The following CCDC88A variants were observed in gnomAD, a reference collection of about 807,000 sequenced individuals.
CCDC88A encodes coiled-coil and HOOK domain protein 88A.
A neutral mutation model predicts 234.3 loss-of-function variants in CCDC88A; 54 were observed. The ratio of observed to expected loss-of-function variants is 0.23; its 90% CI spans 0.19 to 0.29. The LOEUF (loss-of-function observed/expected upper bound fraction) is 0.29, where lower values mean the gene tolerates loss of function less well. CCDC88A is among the 10% of genes least tolerant of loss of function. The pLI is 1.00. For missense variants in CCDC88A, 1,832 were observed against 2,123.4 expected (o/e 0.86, Z 2.70); for synonymous variants, 753 against 737.8 (o/e 1.02, Z -0.33).
rs1488429482 is a variant in CCDC88A at position 55,290,003 on chromosome 2, T to G, written c.*1197A>C. 2 of 152,544 alleles carry G rather than the reference T, an allele frequency of 1.3e-5. No homozygotes were observed. The highest frequency in any genetic ancestry group is 2.9e-5 in the Non-Finnish European group (2 of 67,964). 9.4% of individuals were successfully genotyped at this position (152,544 alleles called of 1,614,324 possible). ...CTGATATTGATGTTAAATAATGAAT[T>G]TGCATTAATGAGTATCAATGCATTT... On this transcript the variant is annotated 3_prime_UTR_variant, in exon 33 of 33. Coordinates refer to ENST00000436346, the MANE Select transcript of CCDC88A (RefSeq NM_001365480.1).
At position 55,328,189 on chromosome 2, in the gene CCDC88A, A is replaced by G. The variant is rs556912947; in HGVS notation, c.2997+105T>C. ...TTATGAAAAAGGAAGAAATAGACTAAATATCAATAAAATGTTTATATTTTT... is the reference window on the plus strand; with the variant it reads ...TTATGAAAAAGGAAGAAATAGACTAGATATCAATAAAATGTTTATATTTTT... On this transcript the variant is annotated intron_variant, in intron 17 of 32. Coordinates refer to ENST00000436346, the MANE Select transcript of CCDC88A (RefSeq NM_001365480.1). This position sits in a 1 kb window ranked among gnomAD's most constrained non-coding sequence, Gnocchi z 4.3. 1 of 880,236 alleles carries G rather than the reference A, an allele frequency of 1.1e-6. No homozygotes were observed. Among genetic ancestry groups the G allele is most frequent in the Non-Finnish European group, 1.7e-6 (1 of 579,352 alleles). The allele number at this position is 880,236 out of a possible 1,614,324, so 54.5% of individuals were successfully genotyped here. A position where few individuals can be genotyped will look rare whatever the true frequency, so the allele number is the denominator to read the frequency against.
At chr2:55,312,178 A>G (rs770100973) in intron 23 of CCDC88A, among the ~76,000 whole-genome samples, 6 of 152,140 alleles carry the variant, frequency 3.9e-5, no homozygotes, top group Non-Finnish European at 7.4e-5. Flanking sequence ...CCTCCTACAT[A>G]TACTTCCATT....
At position 55,362,387 on chromosome 2, in the gene CCDC88A, T is replaced by C. The variant is rs1413230461; in HGVS notation, c.548A>G (p.Gln183Arg). Reference sequence around the variant, plus strand: ...TTTCAAGAGTGGTTCTATGTCCTCCTGCGACATATCAGTCACTTCCATCCA... The same window carrying C: ...TTTCAAGAGTGGTTCTATGTCCTCCCGCGACATATCAGTCACTTCCATCCA... Reference protein sequence around the residue: ...LQWMEVTDMSQEDIEPLLKNM... With the variant: ...LQWMEVTDMSREDIEPLLKNM... Residue 183 changes from glutamine to arginine, a missense_variant, in exon 7 of 33, where the codon CAG becomes CGG. This residue lies in a region of CCDC88A where 1,282 missense variants were observed against 1,543.6 expected (regional missense o/e 0.83). Coordinates refer to ENST00000436346, the MANE Select transcript of CCDC88A (RefSeq NM_001365480.1). 2 of 1,605,072 alleles carry C rather than the reference T, an allele frequency of 1.2e-6. No homozygotes were observed. Among genetic ancestry groups the C allele is most frequent in the Admixed American group, 1.7e-5 (1 of 58,554 alleles).
intron 31 of CCDC88A, among the ~76,000 whole-genome samples, chr2:55,293,307 C>G (rs1014249172): frequency 6.6e-6 from 1 of 151,988 alleles, no homozygotes; most frequent in Non-Finnish European, 1.5e-5. Flanking sequence ...GCTATGTTTA[C>G]TATTAAGTTT....
intron 8 of CCDC88A, among the ~76,000 whole-genome samples, chr2:55,352,913 T>G (rs1380531673): frequency 6.6e-6 from 1 of 152,202 alleles, no homozygotes; most frequent in African/African-American, 2.4e-5. Flanking sequence ...ATTTCTGCAC[T>G]TCATTCACTT....
intron 2 of CCDC88A, among the ~76,000 whole-genome samples, chr2:55,391,151 T>C (rs1378737048): frequency 1.3e-5 from 2 of 151,806 alleles, no homozygotes. Flanking sequence ...TAGAGTGGAG[T>C]AGACTTAATG....
At chr2:55,377,948 C>G (rs1673975349) in intron 3 of CCDC88A, among the ~76,000 whole-genome samples, 1 of 152,074 alleles carries the variant, frequency 6.6e-6, no homozygotes, top group Non-Finnish European at 1.5e-5. Flanking sequence ...TTTTTTAAAG[C>G]TTTATCTTAA....
At position 55,332,323 on chromosome 2, in the gene CCDC88A, T is replaced by C. The variant is rs1685013324; in HGVS notation, c.2855+243A>G. ...TTTTAGTAAAGACAGGGTTTCCCCA[T>C]GTTGGTCAGGCTGATCTCGAACTCC... On this transcript the variant is annotated intron_variant, in intron 16 of 32. Coordinates refer to ENST00000436346, the MANE Select transcript of CCDC88A (RefSeq NM_001365480.1). The surrounding 1 kb of genome is among the most constrained non-coding windows in gnomAD (Gnocchi z 4.5). 3.5e-6 allele frequency: 1 copy of C among 288,452 alleles called. No individual in the cohort carries two copies. The highest frequency in any genetic ancestry group is 2.2e-5 in the African/African-American group (1 of 44,482). 17.9% of individuals were successfully genotyped at this position (288,452 alleles called of 1,614,324 possible).
At chr2:55,373,510 C>G (rs192671784) in intron 4 of CCDC88A, among the ~76,000 whole-genome samples, 12 of 152,206 alleles carry the variant, frequency 7.9e-5, no homozygotes, top group Non-Finnish European at 1.6e-4. Flanking sequence ...ATTTTATATG[C>G]CAGAACATTT....
chr2:55,381,660 C>T (rs1674630856), intron 3 of CCDC88A, among the ~76,000 whole-genome samples: 2 of 151,564 alleles, frequency 1.3e-5, no homozygotes, highest in Admixed American at 6.6e-5. Flanking sequence ...GACTACTTCA[C>T]AAATATGCCA....
intron 2 of CCDC88A, chr2:55,403,369 G>T (rs1452362224): frequency 6.6e-6 from 1 of 152,178 alleles, no homozygotes; most frequent in Non-Finnish European, 1.5e-5. Flanking sequence ...CCCACAGAAT[G>T]TTAAAAAGAT....
chr2:55,302,086 G>C lies in CCDC88A; in HGVS notation c.4472-14C>G. The C allele has an allele frequency of 6.3e-7, 1 of 1,589,584 alleles. No homozygotes were observed. Among genetic ancestry groups the C allele is most frequent in the Non-Finnish European group, 8.6e-7 (1 of 1,157,856 alleles). On this transcript the variant is annotated splice_polypyrimidine_tract_variant and intron_variant, in intron 26 of 32. Transcript: ENST00000436346. Reference sequence around the variant, plus strand: ...GGTCATTCATGGCTGGGATGCAAATGAAAGCAAATGAATCAGCATGGTTAA... The same window carrying C: ...GGTCATTCATGGCTGGGATGCAAATCAAAGCAAATGAATCAGCATGGTTAA...
chr2:55,393,985 G>A (rs929216611), intron 2 of CCDC88A, among the ~76,000 whole-genome samples: 1 of 151,842 alleles, frequency 6.6e-6, no homozygotes, highest in African/African-American at 2.4e-5. Flanking sequence ...TTTGAAGGCA[G>A]TCTCCCTCTG....
intron 29 of CCDC88A, chr2:55,297,267 TTATA>T (rs1265047984): frequency 1.0e-4 from 3 of 29,476 alleles, no homozygotes; most frequent in Non-Finnish European, 2.8e-4. Context: ...ATGTGTATTT[TTATA>T]TATATTATAT....
At chr2:55,353,428 C>A (rs919214403) in intron 8 of CCDC88A, among the ~76,000 whole-genome samples, 7 of 151,958 alleles carry the variant, frequency 4.6e-5, no homozygotes, top group Non-Finnish European at 4.4e-5. Flanking sequence ...ATATCCTGGG[C>A]GTGTTCATTT....
chr2:55,336,069 G>A (rs1368401579), intron 14 of CCDC88A, among the ~76,000 whole-genome samples: 3 of 152,006 alleles, frequency 2.0e-5, no homozygotes, highest in Admixed American at 6.6e-5. Context: ...ATCTGGGCAT[G>A]GTGGTGCATG....
chr2:55,367,698 C>G (rs886366380), intron 5 of CCDC88A, among the ~76,000 whole-genome samples: 3 of 151,462 alleles, frequency 2.0e-5, no homozygotes, highest in Non-Finnish European at 4.4e-5. Context: ...TGTTTTATTT[C>G]TAAAATGTTA....
At chr2:55,327,509 T>C (rs1684418411) in intron 17 of CCDC88A, among the ~76,000 whole-genome samples, 2 of 152,230 alleles carry the variant, frequency 1.3e-5, no homozygotes, top group Admixed American at 1.3e-4. Flanking sequence ...AAGATGATTC[T>C]CAGACAACTA....
At position 55,316,063 on chromosome 2, in the gene CCDC88A, A is replaced by G. The variant is rs1036417105; in HGVS notation, c.3798T>C (p.Thr1266=). Residue 1266 remains threonine (T), a synonymous_variant, in exon 22 of 33, where the codon ACT becomes ACC. Transcript: ENST00000436346. The part of the protein sequence containing the change: ...QLLKETEVLQ[T]DHKNLKSLLN... ...GAAGACTTTTCAAATTTTTATGGTCAGTTTGTAAAACTTCAGTCTCTTTTA... is the reference window on the plus strand; with the variant it reads ...GAAGACTTTTCAAATTTTTATGGTCGGTTTGTAAAACTTCAGTCTCTTTTA... The G allele has an allele frequency of 1.3e-6, 2 of 1,576,096 alleles. No homozygotes were observed. Among genetic ancestry groups the G allele is most frequent in the Admixed American group, 3.5e-5 (2 of 57,740 alleles).
Sources: allele counts gnomAD v4.1 joint callset (sites outside exome capture counted in the v4.1 genomes callset), GRCh38; gene constraint gnomAD v4.1.1; regional missense constraint gnomAD v4.1.1; non-coding constraint Gnocchi (gnomAD v3.1); transcripts MANE v1.5; gene names NCBI Gene and HGNC (gene_info 2026-07-23, HGNC 2026-07-21).